The following DLGAP2 variants were observed in gnomAD, a reference collection of about 807,000 sequenced individuals.
DLGAP2 encodes the protein disks large-associated protein 2.
DLGAP2 carries 26 observed loss-of-function variants against 100.3 expected under a neutral mutation model. The ratio of observed to expected loss-of-function variants is 0.26; its 90% CI spans 0.19 to 0.36. DLGAP2 has a LOEUF of 0.36. Among genes scored for constraint, DLGAP2 ranks in the 10% least tolerant of loss-of-function variants. The pLI is 1.00. For missense variants in DLGAP2, 1,858 were observed against 1,453.2 expected (o/e 1.28, Z -4.53); for synonymous variants, 886 against 630.1 (o/e 1.41, Z -6.08).
At position 851,037 on chromosome 8, in the gene DLGAP2, T is replaced by C. The variant is rs559612728; in HGVS notation, c.19-56875T>C. On this transcript the variant is annotated intron_variant, in intron 1 of 14. Coordinates refer to ENST00000637795, the MANE Select transcript of DLGAP2 (RefSeq NM_001346810.2). ...AAAGATGAAAGATGCACTGTCCAGATGGAGTTCTCTGTATCAAAACAACAT... is the reference window on the plus strand; with the variant it reads ...AAAGATGAAAGATGCACTGTCCAGACGGAGTTCTCTGTATCAAAACAACAT... 2.6e-5 allele frequency among the ~76,000 whole-genome samples: 4 copies of C among 152,302 alleles called. No individual in the cohort carries two copies. In the East Asian group the frequency reaches 7.7e-4, roughly 29 times the overall value.
At chr8:1,257,682 G>T (rs992963925) in intron 2 of DLGAP2, among the ~76,000 whole-genome samples, 1 of 151,508 alleles carries the variant, frequency 6.6e-6, no homozygotes, top group African/African-American at 2.4e-5. Context: ...CTGAGGGCCC[G>T]TGCAGGCCAG....
chr8:826,896 GT>G (rs1796694174), intron 1 of DLGAP2, among the ~76,000 whole-genome samples: 1 of 152,134 alleles, frequency 6.6e-6, no homozygotes, highest in Non-Finnish European at 1.5e-5. Context: ...AGTCTTTCTC[GT>G]GAATGTTTTT....
At chr8:1,584,385 T>G (rs1233488430) in intron 6 of DLGAP2, among the ~76,000 whole-genome samples, 1 of 152,208 alleles carries the variant, frequency 6.6e-6, no homozygotes, top group Non-Finnish European at 1.5e-5. Context: ...GCCAGACTCC[T>G]CGTGCATGCC....
intron 3 of DLGAP2, among the ~76,000 whole-genome samples, chr8:1,499,375 G>A (rs1414893329): frequency 6.6e-6 from 1 of 152,194 alleles, no homozygotes; most frequent in Admixed American, 6.5e-5. Context: ...GGAGGGCTGA[G>A]GTTGAAGGGC....
chr8:1,526,923 G>A (rs1800814273), intron 4 of DLGAP2, among the ~76,000 whole-genome samples: 1 of 152,250 alleles, frequency 6.6e-6, no homozygotes. Context: ...GAGAGGGCAG[G>A]GCAAGAGCAA....
Position 1,652,219 on chromosome 8 carries a change from G to A in DLGAP2, c.1811-16110G>A, listed in dbSNP as rs911211410. 8.5e-5 allele frequency among the ~76,000 whole-genome samples: 13 copies of A among 152,312 alleles called. No individual in the cohort carries two copies. In the East Asian group the frequency reaches 1.5e-3, roughly 18 times the overall value. ...GCTTTACGCACACCGAGGTTCTTAC[G>A]TGAAGATGCTAATGACATTCCTCCT... On this transcript the variant is annotated intron_variant, in intron 8 of 14. Coordinates refer to ENST00000637795, the MANE Select transcript of DLGAP2 (RefSeq NM_001346810.2).
rs142841609 is a variant in DLGAP2 at position 1,025,689 on chromosome 8, G to A, written c.73+117723G>A. On this transcript the variant is annotated intron_variant, in intron 2 of 14. Coordinates refer to ENST00000637795, the MANE Select transcript of DLGAP2 (RefSeq NM_001346810.2). ...GAGCCATGCCTGGCTCTGATAAAGT[G>A]CTACTTTATAAATTTTAGGTTATTT... 4.9e-3 allele frequency among the ~76,000 whole-genome samples: 750 copies of A among 152,172 alleles called. 6 individuals carry two copies. The highest frequency in any genetic ancestry group is 0.017 in the African/African-American group (718 of 41,520).
intron 1 of DLGAP2, among the ~76,000 whole-genome samples, chr8:853,074 C>G (rs1338794861): frequency 6.6e-6 from 1 of 152,236 alleles, no homozygotes; most frequent in Non-Finnish European, 1.5e-5. Context: ...TTTATAATAG[C>G]TGGGTGCTAG....
intron 6 of DLGAP2, among the ~76,000 whole-genome samples, chr8:1,569,285 A>G (rs752511783): frequency 1.3e-5 from 2 of 152,290 alleles, no homozygotes; most frequent in Non-Finnish European, 2.9e-5. Context: ...GATGAGTCCA[A>G]CAAATGTCAG....
At chr8:1,073,011 A>G (rs1803483011) in intron 2 of DLGAP2, among the ~76,000 whole-genome samples, 1 of 151,834 alleles carries the variant, frequency 6.6e-6, no homozygotes, top group African/African-American at 2.4e-5. Flanking sequence ...CCCCATTTGT[A>G]CCTCTCATTT....
chr8:1,577,028 G>A (rs953147596), intron 6 of DLGAP2, among the ~76,000 whole-genome samples: 1 of 152,108 alleles, frequency 6.6e-6, no homozygotes, highest in Non-Finnish European at 1.5e-5. Flanking sequence ...TATACTACAG[G>A]CTACAGTAAC....
In DLGAP2 at chr8:1,466,720, A is replaced by G. The variant is rs574785740; in HGVS notation, c.107-34646A>G. ...GATACAGAGGCTGTGTGTGCCATGC[A>G]GCTCTCAGTGAGAGGAAGGAAATGA... On this transcript the variant is annotated intron_variant, in intron 3 of 14. Transcript: ENST00000637795. 3.9e-5 allele frequency among the ~76,000 whole-genome samples: 6 copies of G among 152,266 alleles called. No individual in the cohort carries two copies. In the East Asian group the frequency reaches 1.2e-3, roughly 29 times the overall value.
Position 852,436 on chromosome 8 carries a change from T to C in DLGAP2, c.19-55476T>C, listed in dbSNP as rs1318971016. 2.0e-5 allele frequency among the ~76,000 whole-genome samples: 3 copies of C among 152,244 alleles called. No individual in the cohort carries two copies. In the East Asian group the frequency reaches 5.8e-4, roughly 29 times the overall value. ...AATGGCAAATCCAATGAAACCATCA[T>C]GATTCTTTTGTCCGTCTTTTATCTG... is the stretch of plus-strand genomic sequence containing the variant. On this transcript the variant is annotated intron_variant, in intron 1 of 14. Transcript: ENST00000637795.
intron 1 of DLGAP2, among the ~76,000 whole-genome samples, chr8:898,193 G>A (rs569235079): frequency 1.3e-5 from 2 of 152,298 alleles, no homozygotes; most frequent in South Asian, 2.1e-4. Context: ...GACCTGTGTG[G>A]GGGCAGAAGT....
chr8:1,529,754 T>C (rs934330790), intron 4 of DLGAP2, among the ~76,000 whole-genome samples: 5 of 152,248 alleles, frequency 3.3e-5, no homozygotes, highest in Admixed American at 3.3e-4. Flanking sequence ...TAGGTTCTTT[T>C]CTATTTTCCT....
chr8:1,188,659 C>T (rs1472878118), intron 2 of DLGAP2, among the ~76,000 whole-genome samples: 10 of 152,120 alleles, frequency 6.6e-5, no homozygotes, highest in South Asian at 6.2e-4. Context: ...GCGACTCATC[C>T]GCCCAGCACT....
intron 3 of DLGAP2, among the ~76,000 whole-genome samples, chr8:1,424,961 C>T (rs1797199412): frequency 6.6e-6 from 1 of 152,086 alleles, no homozygotes; most frequent in Admixed American, 6.5e-5. Context: ...GTGATGGCTG[C>T]ACAACAATGA....
At chr8:1,227,175 G>GATATATATATA (rs1491434618) in intron 2 of DLGAP2, among the ~76,000 whole-genome samples, 1 of 62,950 alleles carries the variant, frequency 1.6e-5, no homozygotes, top group East Asian at 1.0e-3. Context: ...TATATATATA[G>GATATATATATA]TATAGATATA....
intron 2 of DLGAP2, among the ~76,000 whole-genome samples, chr8:1,192,703 G>T (rs1026691071): frequency 1.3e-5 from 2 of 150,358 alleles, no homozygotes; most frequent in African/African-American, 2.5e-5. Context: ...TTAAGTTTTA[G>T]GGTACGTGTG....
Sources: gnomAD v4.1 joint callset for allele counts (sites outside exome capture counted in the v4.1 genomes callset) on GRCh38, gnomAD v4.1.1 for gene constraint, MANE v1.5 for transcripts, NCBI Gene and HGNC (gene_info 2026-07-23, HGNC 2026-07-21) for gene names.